Variants in DACH2 observed in about 807,000 individuals in gnomAD.
DACH2 encodes dachshund family transcription factor 2.
DACH2 carries 17 observed loss-of-function variants against 35.8 expected under a neutral mutation model. The observed-to-expected ratio is 0.48, with a 90% CI of 0.33 to 0.71. DACH2 has a LOEUF of 0.71. DACH2 is among the 30% of genes least tolerant of loss of function. The pLI is 0.02. For missense variants in DACH2, 469 were observed against 472.7 expected (o/e 0.99, Z 0.07); for synonymous variants, 195 against 177.3 (o/e 1.10, Z -0.79).
At chrX:86,461,550 A>G (rs1480098146) in intron 2 of DACH2, among the ~76,000 whole-genome samples, 1 of 111,126 alleles carries the variant, frequency 9.0e-6, no homozygotes, top group East Asian at 2.8e-4. Context: ...TACACCTCAG[A>G]AAAGGGGTAA....
chrX:86,534,461 T>C (rs2038768545), intron 3 of DACH2, among the ~76,000 whole-genome samples: 1 of 112,317 alleles, frequency 8.9e-6, no homozygotes, highest in Non-Finnish European at 1.9e-5. Flanking sequence ...TTATATATTT[T>C]CTTCCCTTAA....
chrX:86,337,695 C>T (rs771229554), intron 1 of DACH2, among the ~76,000 whole-genome samples: 1 of 111,776 alleles, frequency 8.9e-6, no homozygotes, highest in African/African-American at 3.3e-5. Context: ...ATGACTTGAT[C>T]AAATTCACAC....
intron 2 of DACH2, among the ~76,000 whole-genome samples, chrX:86,478,701 G>A (rs2037888534): frequency 9.2e-6 from 1 of 109,122 alleles, no homozygotes; most frequent in Non-Finnish European, 1.9e-5. Context: ...CTTCTTTGAT[G>A]CCCTGCTGCT....
At chrX:86,640,997 A>G (rs951886310) in intron 3 of DACH2, among the ~76,000 whole-genome samples, 1 of 112,417 alleles carries the variant, frequency 8.9e-6, no homozygotes, top group African/African-American at 3.2e-5. Flanking sequence ...ACACACAGAG[A>G]TGAGAAAGAA....
intron 1 of DACH2, among the ~76,000 whole-genome samples, chrX:86,324,215 C>T (rs2035068072): frequency 8.9e-6 from 1 of 111,781 alleles, no homozygotes; most frequent in African/African-American, 3.3e-5. Context: ...TCTCCTATAA[C>T]AGTAGAAAGA....
At chrX:86,250,920 T>C (rs1569316817) in intron 1 of DACH2, among the ~76,000 whole-genome samples, 1 of 111,424 alleles carries the variant, frequency 9.0e-6, no homozygotes, top group Non-Finnish European at 1.9e-5. Context: ...AAAATCTCAC[T>C]GCTGTTGTCT....
intron 7 of DACH2, among the ~76,000 whole-genome samples, chrX:86,775,245 A>T (rs2042021022): frequency 9.0e-6 from 1 of 111,136 alleles, no homozygotes; most frequent in South Asian, 3.8e-4. Flanking sequence ...AATAGAGTGA[A>T]GATATGAGGT....
intron 1 of DACH2, among the ~76,000 whole-genome samples, chrX:86,161,522 T>A (rs1602243573): frequency 8.9e-6 from 1 of 112,515 alleles, no homozygotes; most frequent in East Asian, 2.8e-4. Flanking sequence ...TAGCTTTGGA[T>A]TAGAATGCAT....
intron 1 of DACH2, among the ~76,000 whole-genome samples, chrX:86,193,953 G>A (rs1237959794): frequency 1.8e-5 from 2 of 109,472 alleles, no homozygotes; most frequent in African/African-American, 6.6e-5. Context: ...AAGTTGAAGG[G>A]AATATATATT....
intron 1 of DACH2, among the ~76,000 whole-genome samples, chrX:86,326,012 A>G (rs1010053614): frequency 4.5e-5 from 5 of 111,142 alleles, no homozygotes; most frequent in Non-Finnish European, 7.5e-5. Context: ...TATTGTATGT[A>G]AAACATCTAT....
chrX:86,153,206 G>A (rs1205836876), intron 1 of DACH2, among the ~76,000 whole-genome samples: 1 of 111,125 alleles, frequency 9.0e-6, no homozygotes, highest in Non-Finnish European at 1.9e-5. Context: ...TTTTAGTAAT[G>A]CATTTGGAGA....
At chrX:86,434,897 T>C (rs1300048148) in intron 2 of DACH2, among the ~76,000 whole-genome samples, 1 of 110,884 alleles carries the variant, frequency 9.0e-6, no homozygotes, top group East Asian at 2.9e-4. Context: ...AGCAGGCACA[T>C]CGCATAGCAA....
intron 4 of DACH2, among the ~76,000 whole-genome samples, chrX:86,687,059 G>A (rs1338416171): frequency 8.9e-6 from 1 of 112,153 alleles, no homozygotes; most frequent in Non-Finnish European, 1.9e-5. Flanking sequence ...AGCCTGTGGT[G>A]AGTACTTATA....
chrX:86,349,262 C>T (rs988458932), intron 1 of DACH2, among the ~76,000 whole-genome samples: 5 of 111,718 alleles, frequency 4.5e-5, no homozygotes, highest in Admixed American at 2.8e-4. Flanking sequence ...TCTCACCGAC[C>T]ACCTGGGCCA....
At chrX:86,462,577 C>A (rs1433185035) in intron 2 of DACH2, among the ~76,000 whole-genome samples, 2 of 111,200 alleles carry the variant, frequency 1.8e-5, no homozygotes, top group Non-Finnish European at 3.8e-5. Flanking sequence ...TGGAGAATTG[C>A]AGAATACCTA....
chrX:86,155,817 T>A (rs1053439627), intron 1 of DACH2, among the ~76,000 whole-genome samples: 3 of 110,977 alleles, frequency 2.7e-5, no homozygotes, highest in South Asian at 3.8e-4. Flanking sequence ...AGGAAAACAG[T>A]AAACACCGTT....
chrX:86,603,752 TA>T (rs1298291481), intron 3 of DACH2, among the ~76,000 whole-genome samples: 1 of 111,665 alleles, frequency 9.0e-6, no homozygotes, highest in Non-Finnish European at 1.9e-5. Context: ...CTCTTGAGCT[TA>T]AAGTGAAATA....
At chrX:86,441,435 G>T (rs193142664) in intron 2 of DACH2, among the ~76,000 whole-genome samples, 1 of 109,838 alleles carries the variant, frequency 9.1e-6, no homozygotes, top group African/African-American at 3.3e-5. Context: ...ATGTTGTTGC[G>T]AATGATGGGA....
chrX:86,701,663 C>T (rs2041144649), intron 5 of DACH2, among the ~76,000 whole-genome samples: 1 of 111,979 alleles, frequency 8.9e-6, no homozygotes, highest in Non-Finnish European at 1.9e-5. Context: ...TGTACATATA[C>T]ACCATGGAAT....
Sources: gnomAD v4.1 joint callset for allele counts (sites outside exome capture counted in the v4.1 genomes callset) on GRCh38, gnomAD v4.1.1 for gene constraint, MANE v1.5 for transcripts, NCBI Gene and HGNC (gene_info 2026-07-23, HGNC 2026-07-21) for gene names.